The following UGT1A3 variants were observed in gnomAD, a reference collection of about 807,000 sequenced individuals.
UGT1A3 encodes UDP glucuronosyltransferase family 1 member A3.
UGT1A3 carries 31 observed loss-of-function variants against 41.0 expected under a neutral mutation model. That is an observed-to-expected ratio of 0.76 (90% CI 0.57 to 1.02). The LOEUF is 1.02. Ranked by LOEUF, UGT1A3 falls within the 50% of genes least tolerant of loss-of-function variation. UGT1A3 has a pLI of 0.00. For missense variants in UGT1A3, 737 were observed against 671.0 expected, an observed-to-expected ratio of 1.10 and a Z score of -1.09; for synonymous variants, 262 against 257.6, an observed-to-expected ratio of 1.02 and a Z score of -0.17.
chr2:233,743,665 C>T lies in UGT1A3; in HGVS notation c.867+13672C>T, dbSNP rs1373066127. Reference sequence around the variant, plus strand: ...AGCTGAAGACGTACTCGAAGGGGTCCTCGAAGGGCCTGCCGCCTGTGCAGC... The same window carrying T: ...AGCTGAAGACGTACTCGAAGGGGTCTTCGAAGGGCCTGCCGCCTGTGCAGC... On this transcript the variant is annotated intron_variant, in intron 1 of 4. Coordinates refer to ENST00000482026, the MANE Select transcript of UGT1A3 (RefSeq NM_019093.4). 9 of 1,367,242 alleles carry T rather than the reference C, an allele frequency of 6.6e-6. 2 individuals are homozygous for T. The African/African-American group carries it at 1.3e-4, about 20-fold the overall frequency. The allele number at this position is 1,367,242 out of a possible 1,614,324, so 84.7% of individuals were successfully genotyped here. A position where few individuals can be genotyped will look rare whatever the true frequency, so the allele number is the denominator to read the frequency against.
At chr2:233,760,286 C>T in intron 1 of UGT1A3, 1 of 1,613,058 alleles carries the variant, frequency 6.2e-7, no homozygotes, top group Non-Finnish European at 8.5e-7. Flanking sequence ...AGCAAAGGCG[C>T]CATGGCTGTG....
chr2:233,769,618 G>A lies in UGT1A3; in HGVS notation c.1307+1179G>A. ...GGAACACGGGGACACACCAGCTTGA[G>A]CAAGGGACAACAGGGGAGGACTGAT... On this transcript the variant is annotated intron_variant, in intron 4 of 4. Coordinates refer to ENST00000482026, the MANE Select transcript of UGT1A3 (RefSeq NM_019093.4). This position sits in a 1 kb window ranked among gnomAD's most constrained non-coding sequence, Gnocchi z 4.4. The A allele has an allele frequency of 1.9e-6, 3 of 1,612,672 alleles. No individual in the cohort carries two copies. Among genetic ancestry groups the A allele is most frequent in the Non-Finnish European group, 2.5e-6 (3 of 1,179,802 alleles).
chr2:233,769,657 C>A lies in UGT1A3; in HGVS notation c.1307+1218C>A, dbSNP rs551497641. On this transcript the variant is annotated intron_variant, in intron 4 of 4. Coordinates refer to ENST00000482026, the MANE Select transcript of UGT1A3 (RefSeq NM_019093.4). This position sits in a 1 kb window ranked among gnomAD's most constrained non-coding sequence, Gnocchi z 4.4. ...GGGAGGACTGATGACTGACTTCCCACCTTTGAGGTGCTAATGTGTGTGTGG... is the reference window on the plus strand; with the variant it reads ...GGGAGGACTGATGACTGACTTCCCAACTTTGAGGTGCTAATGTGTGTGTGG... 2.5e-6 allele frequency: 4 copies of A among 1,602,364 alleles called. No individual in the cohort carries two copies. Among genetic ancestry groups the A allele is most frequent in the East Asian group, 4.5e-5 (2 of 44,626 alleles).
At chr2:233,761,712 C>G (rs1355356029) in intron 1 of UGT1A3, among the ~76,000 whole-genome samples, 1 of 152,230 alleles carries the variant, frequency 6.6e-6, no homozygotes, top group Non-Finnish European at 1.5e-5. Context: ...GTTTCATTCT[C>G]AAGCTATTAG....
chr2:233,743,424 A>G, intron 1 of UGT1A3: 2 of 1,346,302 alleles, frequency 1.5e-6, no homozygotes, highest in South Asian at 2.3e-5. Context: ...CCAGGGAGCC[A>G]AAGGAACGAA....
intron 1 of UGT1A3, among the ~76,000 whole-genome samples, chr2:233,732,156 ATTTG>A: frequency 6.6e-6 from 1 of 152,010 alleles, no homozygotes; most frequent in Non-Finnish European, 1.5e-5. Context: ...TTTCTTGTAA[ATTTG>A]TTTGAGTTCT....
At chr2:233,754,192 G>A (rs1695415440) in intron 1 of UGT1A3, 1 of 162,150 alleles carries the variant, frequency 6.2e-6, no homozygotes. Flanking sequence ...CCACCACACA[G>A]TAAAACATTG....
At chr2:233,745,418 GATAA>G (rs1158575048) in intron 1 of UGT1A3, among the ~76,000 whole-genome samples, 1 of 151,578 alleles carries the variant, frequency 6.6e-6, no homozygotes, top group Non-Finnish European at 1.5e-5. Context: ...TCTTTTCTTT[GATAA>G]ATTGTGAGGC....
In UGT1A3 at chr2:233,769,262, G is replaced by C. The variant is rs1197405588; in HGVS notation, c.1307+823G>C. On this transcript the variant is annotated intron_variant, in intron 4 of 4. Transcript: ENST00000482026. This position sits in a 1 kb window ranked among gnomAD's most constrained non-coding sequence, Gnocchi z 4.4. The stretch of plus-strand genomic sequence containing the variant: ...TTTGCTCAAATGTGGCCCTGAAAAC[G>C]ATTCAAAGGGCAAATGATTTCTGGA... Among the ~76,000 whole-genome samples the C allele has an allele frequency of 6.6e-6, 1 of 152,184 alleles. No homozygotes were observed. Among genetic ancestry groups the C allele is most frequent in the Non-Finnish European group, 1.5e-5 (1 of 68,036 alleles).
chr2:233,765,615 G>A (rs958268372), intron 1 of UGT1A3, among the ~76,000 whole-genome samples: 44 of 151,894 alleles, frequency 2.9e-4, no homozygotes, highest in African/African-American at 1.0e-3. Flanking sequence ...GCGGGGTGAG[G>A]GGTGAGGGGA....
intron 1 of UGT1A3, among the ~76,000 whole-genome samples, chr2:233,749,576 ACT>A (rs1258073288): frequency 2.6e-5 from 4 of 151,762 alleles, no homozygotes; most frequent in African/African-American, 9.7e-5. Context: ...GAGGCCACTG[ACT>A]CTGTCTCAAC....
chr2:233,738,641 GCT>G (rs1690860482), intron 1 of UGT1A3, among the ~76,000 whole-genome samples: 1 of 152,206 alleles, frequency 6.6e-6, no homozygotes, highest in Non-Finnish European at 1.5e-5. Flanking sequence ...CTGCCCTAGA[GCT>G]CTTTGGAACT....
rs200734586 is a variant in UGT1A3 at position 233,760,641 on chromosome 2, G to T, written c.868-6393G>T. ...TCAAAACATACAAGAAAATAAAAAA[G>T]GACTCTGCTATGCTTTTGTCTGGCT... On this transcript the variant is annotated intron_variant, in intron 1 of 4. Transcript: ENST00000482026. The T allele has an allele frequency of 1.5e-4, 243 of 1,614,044 alleles. No individual in the cohort carries two copies. The highest frequency in any genetic ancestry group is 2.0e-4 in the Non-Finnish European group (236 of 1,180,030).
chr2:233,730,377 G>A (rs750998252), intron 1 of UGT1A3, among the ~76,000 whole-genome samples: 101 of 152,334 alleles, frequency 6.6e-4, no homozygotes, highest in Admixed American at 1.4e-3. Flanking sequence ...ATTTTCAGGG[G>A]AAAGATGATG....
At chr2:233,732,243 C>T (rs551987407) in intron 1 of UGT1A3, among the ~76,000 whole-genome samples, 33 of 152,314 alleles carry the variant, frequency 2.2e-4, no homozygotes, top group Non-Finnish European at 4.4e-4. Context: ...TGTAGGTTGC[C>T]TGTTCACTCT....
intron 1 of UGT1A3, among the ~76,000 whole-genome samples, chr2:233,763,438 G>A (rs1487731202): frequency 6.6e-6 from 1 of 152,146 alleles, no homozygotes; most frequent in African/African-American, 2.4e-5. Context: ...GCTTTAATAA[G>A]TGCATTTTGC....
At chr2:233,737,391 C>A (rs1208787903) in intron 1 of UGT1A3, among the ~76,000 whole-genome samples, 1 of 152,188 alleles carries the variant, frequency 6.6e-6, no homozygotes, top group Non-Finnish European at 1.5e-5. Context: ...TCCTTGTCTG[C>A]CAGTTTATAA....
intron 1 of UGT1A3, among the ~76,000 whole-genome samples, chr2:233,757,104 A>T (rs1373220200): frequency 1.3e-5 from 2 of 151,154 alleles, no homozygotes; most frequent in African/African-American, 2.4e-5. Flanking sequence ...GGGAGGGGGC[A>T]AGCAGAAGGG....
chr2:233,729,936 G>A lies in UGT1A3; in HGVS notation c.810G>A (p.Met270Ile), dbSNP rs1335744695. ...TGATGGACTACCCCAGGCCAATCAT[G>A]CCCAACATGGTCTTCATTGGGGGCA... The part of the protein sequence containing the change: ...DFVMDYPRPI[M>I]PNMVFIGGIN... Residue 270 changes from methionine to isoleucine, a missense_variant, in exon 1 of 5, where the codon ATG becomes ATA. Physicochemically the swap from Met to Ile is conservative, Grantham distance 10 (BLOSUM62 1). Transcript: ENST00000482026. The A allele has an allele frequency of 6.2e-7, 1 of 1,613,890 alleles. No individual in the cohort carries two copies. Among genetic ancestry groups the A allele is most frequent in the Admixed American group, 1.7e-5 (1 of 59,994 alleles).
Sources: gnomAD v4.1 joint callset for allele counts (sites outside exome capture counted in the v4.1 genomes callset) on GRCh38, gnomAD v4.1.1 for gene constraint, Gnocchi (gnomAD v3.1) non-coding constraint, MANE v1.5 for transcripts, NCBI Gene and HGNC (gene_info 2026-07-23, HGNC 2026-07-21) for gene names.